Variants in ZMYM4 observed in about 807,000 individuals in gnomAD.
ZMYM4 encodes the protein zinc finger MYM-type protein 4.
Under a neutral mutation model 183.2 loss-of-function variants are expected in ZMYM4, and 31 were observed. That is an observed-to-expected ratio of 0.17 (90% CI 0.13 to 0.23). The LOEUF is 0.23. ZMYM4 is among the 10% of genes least tolerant of loss of function. The pLI is 1.00. For missense variants in ZMYM4, 1,273 were observed against 1,840.3 expected, an observed-to-expected ratio of 0.69 and a Z score of 5.64; for synonymous variants, 592 against 631.2, an observed-to-expected ratio of 0.94 and a Z score of 0.93.
In ZMYM4 at chr1:35,296,843, CTTT is replaced by C. The variant is rs780202714; in HGVS notation, c.39+27778_39+27780del. Among the ~76,000 whole-genome samples the C allele has an allele frequency of 4.5e-3, 432 of 95,564 alleles. 2 individuals are homozygous for C. The highest frequency in any genetic ancestry group is 5.3e-3 in the Non-Finnish European group (291 of 54,422). 62.7% of individuals were successfully genotyped at this position (95,564 alleles called of 152,430 possible). The stretch of plus-strand genomic sequence containing the variant: ...ACCTTTTCTTTTTCTTTCTTTCTTT[CTTT>C]TTTTTTTTTTTTTTTTTTTGAGATG... On this transcript the variant is annotated intron_variant, in intron 1 of 29. Transcript: ENST00000314607.
intron 1 of ZMYM4, among the ~76,000 whole-genome samples, chr1:35,300,277 C>A (rs1436388209): frequency 6.6e-6 from 1 of 152,210 alleles, no homozygotes; most frequent in East Asian, 1.9e-4. Flanking sequence ...TTTCCTGCCT[C>A]AGCATTGCTT....
chr1:35,268,919 A>C lies in ZMYM4; in HGVS notation c.-128A>C, dbSNP rs1570192779. ...TCCGCCCCCTCCCCACTCTCGGCGC[A>C]AGGCCCGGCCGGGTCCGGGGAAGCT... On this transcript the variant is annotated 5_prime_UTR_variant, in exon 1 of 30. Coordinates refer to ENST00000314607, the MANE Select transcript of ZMYM4 (RefSeq NM_005095.3). 7.2e-6 allele frequency: 8 copies of C among 1,107,932 alleles called. No individual in the cohort carries two copies. The highest frequency in any genetic ancestry group is 8.1e-6 in the Non-Finnish European group (7 of 859,878). 68.6% of individuals were successfully genotyped at this position (1,107,932 alleles called of 1,614,324 possible).
intron 1 of ZMYM4, among the ~76,000 whole-genome samples, chr1:35,284,218 C>T (rs1249037365): frequency 6.6e-6 from 1 of 151,966 alleles, no homozygotes; most frequent in African/African-American, 2.4e-5. Context: ...CCTCATGATC[C>T]ACCTGCCTCG....
At chr1:35,338,963 T>C (rs1643088130) in intron 2 of ZMYM4, among the ~76,000 whole-genome samples, 1 of 152,244 alleles carries the variant, frequency 6.6e-6, no homozygotes, top group Non-Finnish European at 1.5e-5. Context: ...AGTTGAACGA[T>C]AATAAATTTA....
chr1:35,415,314 T>C (rs1465683205), intron 27 of ZMYM4, 152 bp from the exon 28 acceptor site: 1 of 1,017,652 alleles, frequency 9.8e-7, no homozygotes, highest in Non-Finnish European at 1.4e-6. Flanking sequence ...TTTTTCTTTG[T>C]GGTGCGTTTT....
At chr1:35,323,038 C>A (rs1408394544) in intron 1 of ZMYM4, among the ~76,000 whole-genome samples, 1 of 149,590 alleles carries the variant, frequency 6.7e-6, no homozygotes, top group Admixed American at 6.7e-5. Context: ...CATGCTTTGT[C>A]CCCTAGGCTG....
chr1:35,286,793 T>A (rs1481846262), intron 1 of ZMYM4, among the ~76,000 whole-genome samples: 1 of 105,528 alleles, frequency 9.5e-6, no homozygotes, highest in African/African-American at 4.2e-5. Context: ...TTTTTTTTTT[T>A]TTTTTTTTTT....
chr1:35,291,761 C>A (rs1440786346), intron 1 of ZMYM4, among the ~76,000 whole-genome samples: 3 of 151,838 alleles, frequency 2.0e-5, no homozygotes, highest in Non-Finnish European at 4.4e-5. Flanking sequence ...CCTCAGTCTC[C>A]CAAGTAACTG....
intron 1 of ZMYM4, among the ~76,000 whole-genome samples, chr1:35,294,889 T>A (rs146679101): frequency 6.6e-6 from 1 of 152,328 alleles, no homozygotes; most frequent in Non-Finnish European, 1.5e-5. Context: ...AACGGACTTT[T>A]CAGAACAAGG....
intron 1 of ZMYM4, among the ~76,000 whole-genome samples, chr1:35,291,287 CT>C (rs1004456418): frequency 1.3e-5 from 2 of 150,418 alleles, no homozygotes; most frequent in African/African-American, 2.4e-5. Context: ...TTTTCACTTT[CT>C]TTTTTTTTGC....
chr1:35,416,761 A>C (rs1036491033), intron 28 of ZMYM4, among the ~76,000 whole-genome samples: 2 of 152,042 alleles, frequency 1.3e-5, no homozygotes, highest in Non-Finnish European at 2.9e-5. Context: ...ACGGGGTTTC[A>C]CCATATTGGG....
chr1:35,419,163 T>G (rs185110588), intron 29 of ZMYM4, among the ~76,000 whole-genome samples: 1 of 152,308 alleles, frequency 6.6e-6, no homozygotes, highest in East Asian at 1.9e-4. Context: ...AAGTTTATGA[T>G]TTACACTTTG....
chr1:35,310,867 C>T (rs553530473), intron 1 of ZMYM4, among the ~76,000 whole-genome samples: 3 of 152,046 alleles, frequency 2.0e-5, no homozygotes, highest in Non-Finnish European at 4.4e-5. Context: ...TGTGAGCCAC[C>T]GCATTCGGCC....
At chr1:35,376,664 C>T (rs1295270646) in intron 7 of ZMYM4, among the ~76,000 whole-genome samples, 1 of 151,972 alleles carries the variant, frequency 6.6e-6, no homozygotes, top group African/African-American at 2.4e-5. Flanking sequence ...GCTGGGACTA[C>T]AGGCACACGC....
chr1:35,310,983 T>C (rs947400462), intron 1 of ZMYM4, among the ~76,000 whole-genome samples: 6 of 152,130 alleles, frequency 3.9e-5, no homozygotes, highest in African/African-American at 9.7e-5. Context: ...TAGATTCTTA[T>C]AAACACCACC....
chr1:35,382,037 C>T (rs866629688), intron 9 of ZMYM4, among the ~76,000 whole-genome samples: 6 of 150,636 alleles, frequency 4.0e-5, no homozygotes, highest in African/African-American at 1.2e-4. Flanking sequence ...CCCAGCTACT[C>T]GGGAGGCTGA....
chr1:35,294,514 T>G (rs1640913639), intron 1 of ZMYM4, among the ~76,000 whole-genome samples: 2 of 152,180 alleles, frequency 1.3e-5, no homozygotes, highest in African/African-American at 4.8e-5. Context: ...AGAACCTTGT[T>G]CTATAGTAGG....
chr1:35,322,538 G>A (rs1008727436), intron 1 of ZMYM4, among the ~76,000 whole-genome samples: 1 of 151,766 alleles, frequency 6.6e-6, no homozygotes, highest in Non-Finnish European at 1.5e-5. Flanking sequence ...TTTTCCTTTA[G>A]GAGTGAGAAT....
chr1:35,316,789 A>G (rs1250931404), intron 1 of ZMYM4, among the ~76,000 whole-genome samples: 1 of 152,230 alleles, frequency 6.6e-6, no homozygotes, highest in African/African-American at 2.4e-5. Flanking sequence ...GCAAGTGAAG[A>G]TAGGACAAGA....
Sources: allele counts gnomAD v4.1 joint callset (sites outside exome capture counted in the v4.1 genomes callset), GRCh38; gene constraint gnomAD v4.1.1; transcripts MANE v1.5; gene names NCBI Gene and HGNC (gene_info 2026-07-23, HGNC 2026-07-21).